The following ZSCAN22 variants were observed in gnomAD, a reference collection of about 807,000 sequenced individuals.
ZSCAN22 encodes zinc finger and SCAN domain containing 22.
A neutral mutation model predicts 12.4 loss-of-function variants in ZSCAN22; 7 were observed. That is an observed-to-expected ratio of 0.57 (90% confidence interval 0.32 to 1.06). ZSCAN22 has a LOEUF of 1.06. Ranked by LOEUF, ZSCAN22 falls within the 50% of genes least tolerant of loss-of-function variation. The pLI, the probability that ZSCAN22 is intolerant of heterozygous loss-of-function variation, is 0.04. For synonymous variants in ZSCAN22, 243 were observed against 255.9 expected, an observed-to-expected ratio of 0.95 and a Z score of 0.48; for missense variants, 576 against 631.7, an observed-to-expected ratio of 0.91 and a Z score of 0.94.
chr19:58,338,164 T>TC lies in ZSCAN22; in HGVS notation c.404-86dup. On this transcript the variant is annotated intron_variant, in intron 2 of 2. Transcript: ENST00000329665. The surrounding 1 kb of genome is among the most constrained non-coding windows in gnomAD (Gnocchi z 5.4). ...CCAGATGTTAGGAACGGGCCACATC[T>TC]CCCCTTACAAAGTGTGACCGGGGCC... 1 of 1,214,594 alleles carries TC rather than the reference T, an allele frequency of 8.2e-7. No individual in the cohort carries two copies. The highest frequency in any genetic ancestry group is 2.4e-5 in the East Asian group (1 of 42,218). The allele number at this position is 1,214,594 out of a possible 1,614,324, so 75.2% of individuals were successfully genotyped here. A position where few individuals can be genotyped will look rare whatever the true frequency, so the allele number is the denominator to read the frequency against.
chr19:58,339,090 G>A lies in ZSCAN22; in HGVS notation c.1240G>A (p.Gly414Ser). 6.2e-7 allele frequency: 1 copy of A among 1,614,264 alleles called. No individual in the cohort carries two copies. The highest frequency in any genetic ancestry group is 8.5e-7 in the Non-Finnish European group (1 of 1,180,050). The change falls in exon 3 of 3, where the codon GGC becomes AGC. Residue 414 changes from glycine to serine, a missense_variant. Coordinates refer to ENST00000329665, the MANE Select transcript of ZSCAN22 (RefSeq NM_181846.3). The surrounding 1 kb of genome is among the most constrained non-coding windows in gnomAD (Gnocchi z 5.6). ...GEKPYKCDACGRAFSDCSALI... is the reference protein window; with the variant it reads ...GEKPYKCDACSRAFSDCSALI... The stretch of plus-strand genomic sequence containing the variant: ...GAAGCCCTACAAGTGTGACGCGTGT[G>A]GCCGAGCCTTCAGCGACTGCTCAGC...
Position 58,338,106 on chromosome 19 carries a change from C to T in ZSCAN22, c.404-148C>T. 2 of 687,112 alleles carry T rather than the reference C, an allele frequency of 2.9e-6. No homozygotes were observed. The highest frequency in any genetic ancestry group is 2.2e-5 in the South Asian group (1 of 44,540). 42.6% of individuals were successfully genotyped at this position (687,112 alleles called of 1,614,324 possible). ...GCCCTGCACCCTTTGTCATCCAAGA[C>T]ACCAAATGAGAAACTTCCCCTTGGA... On this transcript the variant is annotated intron_variant, in intron 2 of 2. Coordinates refer to ENST00000329665, the MANE Select transcript of ZSCAN22 (RefSeq NM_181846.3). The surrounding 1 kb of genome is among the most constrained non-coding windows in gnomAD (Gnocchi z 5.4).
chr19:58,331,537 T>TTATTAA (rs2051725831), intron 1 of ZSCAN22, among the ~76,000 whole-genome samples: 1 of 128,324 alleles, frequency 7.8e-6, no homozygotes, highest in South Asian at 2.5e-4. Context: ...ATTATTATTA[T>TTATTAA]TATTATTATT....
In ZSCAN22 at chr19:58,335,766, T is replaced by A. The variant is rs73572630; in HGVS notation, c.403+561T>A. On this transcript the variant is annotated intron_variant, in intron 2 of 2. Coordinates refer to ENST00000329665, the MANE Select transcript of ZSCAN22 (RefSeq NM_181846.3). The surrounding 1 kb of genome is among the most constrained non-coding windows in gnomAD (Gnocchi z 4.1). ...GGGTGCCTGGGGTGGCTGTTGGGGG[T>A]GACGGAAATACCAGATGTCCCTGTG... Among the ~76,000 whole-genome samples the A allele has an allele frequency of 0.1, 15,678 of 152,122 alleles. 1,273 individuals carry two copies. The highest frequency in any genetic ancestry group is 0.21 in the African/African-American group (8,761 of 41,482).
In ZSCAN22 at chr19:58,329,102, G is replaced by A. The variant is rs1290809518; in HGVS notation, c.-52+1988G>A. On this transcript the variant is annotated intron_variant, in intron 1 of 2. Coordinates refer to ENST00000329665, the MANE Select transcript of ZSCAN22 (RefSeq NM_181846.3). This position sits in a 1 kb window ranked among gnomAD's most constrained non-coding sequence, Gnocchi z 4.1. ...GTCAGAGACGGATTTCAGAACTCGA[G>A]AGCAGCAGGGGCGACAAGGGGCTTA... 3.3e-5 allele frequency among the ~76,000 whole-genome samples: 5 copies of A among 152,286 alleles called. No homozygotes were observed. The East Asian group carries it at 7.7e-4, about 24-fold the overall frequency.
chr19:58,337,216 A>G (rs926255911), intron 2 of ZSCAN22, among the ~76,000 whole-genome samples: 1 of 152,212 alleles, frequency 6.6e-6, no homozygotes, highest in Non-Finnish European at 1.5e-5. Context: ...AATTTTCACC[A>G]TCGTGGGCTT....
chr19:58,338,202 G>C lies in ZSCAN22; in HGVS notation c.404-52G>C, dbSNP rs533820796. 1.3e-6 allele frequency: 2 copies of C among 1,510,232 alleles called. No homozygotes were observed. The highest frequency in any genetic ancestry group is 1.3e-5 in the South Asian group (1 of 79,512). The allele number at this position is 1,510,232 out of a possible 1,614,324, so 93.6% of individuals were successfully genotyped here. On this transcript the variant is annotated intron_variant, in intron 2 of 2. Coordinates refer to ENST00000329665, the MANE Select transcript of ZSCAN22 (RefSeq NM_181846.3). This position sits in a 1 kb window ranked among gnomAD's most constrained non-coding sequence, Gnocchi z 5.4. ...TGTGACCGGGGCCCTCGGCAGAGTAGGGGAGGCTTGGTGTGGTAGGAGGAG... is the reference window on the plus strand; with the variant it reads ...TGTGACCGGGGCCCTCGGCAGAGTACGGGAGGCTTGGTGTGGTAGGAGGAG...
rs1292827949 is a variant in ZSCAN22 at position 58,341,763 on chromosome 19, C to CT, written c.*2437_*2438insT. 1.3e-5 allele frequency: 2 copies of CT among 152,234 alleles called. No individual in the cohort carries two copies. Among genetic ancestry groups the CT allele is most frequent in the Non-Finnish European group, 2.9e-5 (2 of 68,056 alleles). 9.4% of individuals were successfully genotyped at this position (152,234 alleles called of 1,614,324 possible). A position where few individuals can be genotyped will look rare whatever the true frequency, so the allele number is the denominator to read the frequency against. On this transcript the variant is annotated 3_prime_UTR_variant, in exon 3 of 3. Coordinates refer to ENST00000329665, the MANE Select transcript of ZSCAN22 (RefSeq NM_181846.3). ...CTAGTGAAATTGCACAGGCTTCCAG[C>CT]ATGCTGGAGGGAACAGAAAAGGCAT... is the stretch of plus-strand genomic sequence containing the variant.
In ZSCAN22 at chr19:58,335,325, C is replaced by G. The variant is rs1203971778; in HGVS notation, c.403+120C>G. The G allele has an allele frequency of 1.6e-6, 2 of 1,287,332 alleles. No homozygotes were observed. The highest frequency in any genetic ancestry group is 3.0e-5 in the African/African-American group (2 of 66,716). 79.7% of individuals were successfully genotyped at this position (1,287,332 alleles called of 1,614,324 possible). On this transcript the variant is annotated intron_variant, in intron 2 of 2. Coordinates refer to ENST00000329665, the MANE Select transcript of ZSCAN22 (RefSeq NM_181846.3). The surrounding 1 kb of genome is among the most constrained non-coding windows in gnomAD (Gnocchi z 4.1). ...CACCCATTCTCACATTTGTACTTTA[C>G]CGTAACTCTCACACACTGTTGTAGA...
At position 58,341,043 on chromosome 19, in the gene ZSCAN22, T is replaced by TA. The variant is rs1333552635; in HGVS notation, c.*1718dup. On this transcript the variant is annotated 3_prime_UTR_variant, in exon 3 of 3. Transcript: ENST00000329665. ...TCAGTAGGCCCTGACTGATGTCTCT[T>TA]ACATGAATGTGACTGGTGCCCCCAG... 2 of 152,170 alleles carry TA rather than the reference T, an allele frequency of 1.3e-5. No homozygotes were observed. Among genetic ancestry groups the TA allele is most frequent in the East Asian group, 3.8e-4 (2 of 5,198 alleles). 9.4% of individuals were successfully genotyped at this position (152,170 alleles called of 1,614,324 possible).
intron 1 of ZSCAN22, among the ~76,000 whole-genome samples, chr19:58,330,040 G>A (rs1278815398): frequency 6.6e-6 from 1 of 152,208 alleles, no homozygotes; most frequent in Admixed American, 6.5e-5. Flanking sequence ...TGTAATCCCA[G>A]CAATTTGGGA....
chr19:58,339,289 T>G lies in ZSCAN22; in HGVS notation c.1439T>G (p.Met480Arg). The G allele has an allele frequency of 1.9e-6, 3 of 1,612,530 alleles. No homozygotes were observed. The highest frequency in any genetic ancestry group is 2.5e-6 in the Non-Finnish European group (3 of 1,178,840). ...GKAFSRSSAL[M>R]VHLRIHITVL... Reference sequence around the variant, plus strand: ...GCCTTCAGTCGTAGCTCAGCCCTGATGGTTCACTTGCGGATCCACATCACG... The same window carrying G: ...GCCTTCAGTCGTAGCTCAGCCCTGAGGGTTCACTTGCGGATCCACATCACG... The change falls in exon 3 of 3, where the codon ATG becomes AGG. Residue 480 changes from methionine to arginine, a missense_variant. Coordinates refer to ENST00000329665, the MANE Select transcript of ZSCAN22 (RefSeq NM_181846.3). The surrounding 1 kb of genome is among the most constrained non-coding windows in gnomAD (Gnocchi z 5.6).
Position 58,332,224 on chromosome 19 carries a change from CTCTCATTTTTG to C in ZSCAN22, c.-51-2523_-51-2513del, listed in dbSNP as rs1486064098. On this transcript the variant is annotated intron_variant, in intron 1 of 2. Coordinates refer to ENST00000329665, the MANE Select transcript of ZSCAN22 (RefSeq NM_181846.3). ...AAATTCCCAAACCTATTAGCAACCA[CTCTCATTTTTG>C]TCTCTCTTCAGCCTCTGACAAACAC... is the stretch of plus-strand genomic sequence containing the variant. Among the ~76,000 whole-genome samples the C allele has an allele frequency of 4.7e-5, 7 of 150,306 alleles. No individual in the cohort carries two copies. The East Asian group carries it at 1.4e-3, about 30-fold the overall frequency.
In ZSCAN22 at chr19:58,339,273, C is replaced by T. The variant is rs758397370; in HGVS notation, c.1423C>T (p.Arg475Cys). 24 of 1,613,872 alleles carry T rather than the reference C, an allele frequency of 1.5e-5. 1 individual carries two copies. Among genetic ancestry groups the T allele is most frequent in the South Asian group, 1.1e-4 (10 of 91,050 alleles). The change falls in exon 3 of 3, where the codon CGT becomes TGT. Residue 475 changes from arginine to cysteine, a missense_variant. Transcript: ENST00000329665. This position sits in a 1 kb window ranked among gnomAD's most constrained non-coding sequence, Gnocchi z 5.6. ...KCSDCGKAFSRSSALMVHLRI... is the reference protein window; with the variant it reads ...KCSDCGKAFSCSSALMVHLRI... ...CAGCGACTGTGGGAAGGCCTTCAGT[C>T]GTAGCTCAGCCCTGATGGTTCACTT...
At position 58,338,974 on chromosome 19, in the gene ZSCAN22, CG is replaced by C; in HGVS notation, c.1129del (p.Glu377SerfsTer19). 1 of 1,613,204 alleles carries C rather than the reference CG, an allele frequency of 6.2e-7. No homozygotes were observed. Among genetic ancestry groups the C allele is most frequent in the East Asian group, 2.2e-5 (1 of 44,866 alleles). ...THLTQHQRVH[T>X]GERPYECDAC... is the part of the protein sequence containing the mutation. ...CTCACCCAGCACCAGCGGGTGCACACGGGGGAGCGGCCCTACGAGTGTGACG... is the reference window on the plus strand; with the variant it reads ...CTCACCCAGCACCAGCGGGTGCACACGGGGAGCGGCCCTACGAGTGTGACG... On this transcript the variant is annotated frameshift_variant, in exon 3 of 3. Transcript: ENST00000329665. LOFTEE classifies it low-confidence loss of function (END_TRUNC). This position sits in a 1 kb window ranked among gnomAD's most constrained non-coding sequence, Gnocchi z 5.4.
At chr19:58,336,848 G>A (rs2051803197) in intron 2 of ZSCAN22, among the ~76,000 whole-genome samples, 1 of 152,234 alleles carries the variant, frequency 6.6e-6, no homozygotes, top group Non-Finnish European at 1.5e-5. Context: ...ATGGCTTACA[G>A]ATGGGGAGAC....
chr19:58,340,475 CTTTTCT>C lies in ZSCAN22; in HGVS notation c.*1154_*1159del, dbSNP rs1338535277. On this transcript the variant is annotated 3_prime_UTR_variant, in exon 3 of 3. Transcript: ENST00000329665. ...CTCCTCTTCTTTTTCTTTTTCTTTT[CTTTTCT>C]TTTTTTTTTTTTGAGATGGAGTCTC... 1.3e-5 allele frequency: 2 copies of C among 150,234 alleles called. No homozygotes were observed. The highest frequency in any genetic ancestry group is 2.7e-5 in the African/African-American group (1 of 37,216). 9.3% of individuals were successfully genotyped at this position (150,234 alleles called of 1,614,324 possible).
intron 2 of ZSCAN22, among the ~76,000 whole-genome samples, chr19:58,337,375 C>T (rs12976655): frequency 5.8e-4 from 60 of 103,056 alleles, no homozygotes; most frequent in Middle Eastern, 7.4e-3. Context: ...AGACGCAAGG[C>T]GTTGAGTGTG....
chr19:58,334,783 T>C lies in ZSCAN22; in HGVS notation c.-20T>C. The stretch of plus-strand genomic sequence containing the variant: ...TTCCAAGGCTCCGGCATCCTGTGTC[T>C]CACTGAGCACTGCTGCCCGATGGCC... On this transcript the variant is annotated 5_prime_UTR_variant, in exon 2 of 3. Transcript: ENST00000329665. 1 of 1,572,520 alleles carries C rather than the reference T, an allele frequency of 6.4e-7. No individual in the cohort carries two copies. The highest frequency in any genetic ancestry group is 1.2e-5 in the South Asian group (1 of 86,498).
Sources: gnomAD v4.1 joint callset for allele counts (sites outside exome capture counted in the v4.1 genomes callset) on GRCh38, gnomAD v4.1.1 for gene constraint, Gnocchi (gnomAD v3.1) non-coding constraint, MANE v1.5 for transcripts, NCBI Gene and HGNC (gene_info 2026-07-23, HGNC 2026-07-21) for gene names.